Variants in COG6 observed in about 807,000 individuals in gnomAD.
The protein encoded by COG6 is component of oligomeric golgi complex 6.
Under a neutral mutation model 88.8 loss-of-function variants are expected in COG6, and 74 were observed. The observed-to-expected ratio is 0.83, with a 90% CI of 0.69 to 1.01. The LOEUF (loss-of-function observed/expected upper bound fraction) is 1.01. COG6 is among the 50% of genes least tolerant of loss of function. COG6 has a pLI of 0.00. For synonymous variants in COG6, 286 were observed against 278.7 expected, an observed-to-expected ratio of 1.03 and a Z score of -0.26; for missense variants, 800 against 797.9, an observed-to-expected ratio of 1.00 and a Z score of -0.03.
At chr13:39,695,914 A>G (rs2138025293) in intron 12 of COG6, among the ~76,000 whole-genome samples, 1 of 152,122 alleles carries the variant, frequency 6.6e-6, no homozygotes, top group African/African-American at 2.4e-5. Flanking sequence ...TGAAAGCTAG[A>G]CATAGCAAAT....
intron 16 of COG6, among the ~76,000 whole-genome samples, chr13:39,723,691 C>T (rs995589173): frequency 6.6e-5 from 10 of 151,686 alleles, no homozygotes; most frequent in South Asian, 2.1e-4. Flanking sequence ...GTAGAGTGCC[C>T]CACAGTATTA....
At chr13:39,723,308 A>G in intron 15 of COG6, 25 bp from the exon 16 acceptor site, 6 of 1,427,026 alleles carry the variant, frequency 4.2e-6, no homozygotes, top group Non-Finnish European at 5.9e-6. Flanking sequence ...TTCTTTTAAA[A>G]TGTTTTCTTT....
In COG6 at chr13:39,679,182, G is replaced by T. The variant is rs61954200; in HGVS notation, c.541-356G>T. Among the ~76,000 whole-genome samples, 230 of 152,162 alleles carry T rather than the reference G, an allele frequency of 1.5e-3. 1 individual carries two copies. Among genetic ancestry groups the T allele is most frequent in the South Asian group, 4.6e-3 (22 of 4,820 alleles). On this transcript the variant is annotated intron_variant, in intron 5 of 18. Transcript: ENST00000455146. ...AAGAATGCCAGGCTTAAGTAATAAG[G>T]TGTGTAATACACAATACTTTTTTTC...
chr13:39,769,478 A>G (rs1236513810), intron 18 of COG6, among the ~76,000 whole-genome samples: 5 of 152,224 alleles, frequency 3.3e-5, no homozygotes, highest in Non-Finnish European at 7.3e-5. Context: ...TCTCATCTGC[A>G]AAGTAGGAAT....
At position 39,655,824 on chromosome 13, in the gene COG6, A is replaced by T. The variant is rs1258615872; in HGVS notation, c.98A>T (p.Asn33Ile). The change falls in exon 1 of 19, where the codon AAC (asparagine) becomes ATC (isoleucine). Residue 33 changes from asparagine (N) to isoleucine (I), a missense_variant. By Grantham distance (149) the Asn-to-Ile change is moderately radical. Transcript: ENST00000455146. ...GAGGTSATTC[N>I]PLSRKLHKIL... Reference sequence around the variant, plus strand: ...GGCGGGACCTCGGCGACGACCTGCAACCCGCTGTCGCGCAAGCTGCATAAG... The same window carrying T: ...GGCGGGACCTCGGCGACGACCTGCATCCCGCTGTCGCGCAAGCTGCATAAG... 6.2e-7 allele frequency: 1 copy of T among 1,603,174 alleles called. No homozygotes were observed. Among genetic ancestry groups the T allele is most frequent in the African/African-American group, 1.3e-5 (1 of 74,638 alleles).
chr13:39,772,576 A>G (rs954528761), intron 18 of COG6, among the ~76,000 whole-genome samples: 2 of 152,222 alleles, frequency 1.3e-5, no homozygotes, highest in East Asian at 1.9e-4. Flanking sequence ...GGAGCTGTCA[A>G]TAAACACCTG....
intron 4 of COG6, among the ~76,000 whole-genome samples, chr13:39,673,869 A>G (rs567614418): frequency 3.7e-4 from 56 of 151,664 alleles, no homozygotes; most frequent in African/African-American, 1.3e-3. Context: ...ATGATTTTTT[A>G]TATCAAGAGG....
At chr13:39,699,685 T>C in intron 13 of COG6, 67 bp downstream of exon 13, 1 of 802,930 alleles carries the variant, frequency 1.2e-6, no homozygotes, top group Non-Finnish European at 2.2e-6. Context: ...TTAGTGATTT[T>C]TGTATTGATT....
intron 18 of COG6, chr13:39,785,617 T>TA (rs1881749819): frequency 6.6e-6 from 1 of 152,200 alleles, no homozygotes; most frequent in Admixed American, 6.5e-5. Flanking sequence ...AGTGTCTACT[T>TA]ACACTCCTCC....
chr13:39,658,142 A>G (rs1240655758), intron 1 of COG6, among the ~76,000 whole-genome samples: 1 of 150,402 alleles, frequency 6.6e-6, no homozygotes, highest in Non-Finnish European at 1.5e-5. Context: ...TATTTTTGGA[A>G]TATCTTTTTT....
chr13:39,728,612 T>C (rs1452046801), intron 18 of COG6, among the ~76,000 whole-genome samples: 1 of 152,038 alleles, frequency 6.6e-6, no homozygotes, highest in Non-Finnish European at 1.5e-5. Context: ...ACCAGAATTC[T>C]AAAGACTTAA....
At position 39,721,271 on chromosome 13, in the gene COG6, AAAT is replaced by A. The variant is rs1276086309; in HGVS notation, c.1584+1445_1584+1447del. Among the ~76,000 whole-genome samples, 6 of 152,240 alleles carry A rather than the reference AAAT, an allele frequency of 3.9e-5. No individual in the cohort carries two copies. The South Asian group carries it at 6.2e-4, about 16-fold the overall frequency. ...AAAAATTCTTCTTGGTCTATGTGCT[AAAT>A]TAAGCTTATTAGTTTATTCAAGTTA... On this transcript the variant is annotated intron_variant, in intron 15 of 18. Coordinates refer to ENST00000455146, the MANE Select transcript of COG6 (RefSeq NM_020751.3).
intron 4 of COG6, among the ~76,000 whole-genome samples, chr13:39,675,702 A>G (rs991450767): frequency 6.6e-6 from 1 of 152,152 alleles, no homozygotes; most frequent in Non-Finnish European, 1.5e-5. Context: ...AAATGAAACT[A>G]TAAACTAAAG....
At chr13:39,755,013 T>G (rs1382075395), downstream of COG6, among the ~76,000 whole-genome samples, 1 of 152,174 alleles carries the variant, frequency 6.6e-6, no homozygotes, top group East Asian at 1.9e-4. Context: ...TTGGTTAAGA[T>G]GTAAAATTAT....
At chr13:39,775,265 T>C (rs375932817) in intron 18 of COG6, among the ~76,000 whole-genome samples, 3 of 124,792 alleles carry the variant, frequency 2.4e-5, no homozygotes, top group African/African-American at 5.7e-5. Flanking sequence ...AATGATGTTG[T>C]GACTCAAATA....
At chr13:39,691,168 A>G (rs1388102557) in intron 11 of COG6, among the ~76,000 whole-genome samples, 1 of 151,772 alleles carries the variant, frequency 6.6e-6, no homozygotes, top group East Asian at 1.9e-4. Context: ...TAATTTTATA[A>G]ATACTATAAT....
chr13:39,689,584 C>T (rs1876861305), intron 10 of COG6, among the ~76,000 whole-genome samples, 176 bp from the exon 11 acceptor site: 1 of 151,990 alleles, frequency 6.6e-6, no homozygotes, highest in Admixed American at 6.6e-5. Flanking sequence ...AATATGTTAA[C>T]ACAATTAGTA....
rs1302223043 is a variant in COG6, at chr13:39,689,813, A to G, written c.1063A>G (p.Arg355Gly). The part of the protein sequence containing the change: ...VVGHITEGVC[R>G]PLKVRIEQVI... ...TGGGCATATCACTGAAGGTGTGTGC[A>G]GGCCTCTAAAGGTAAAATATTTTGT... Residue 355 changes from arginine (R) to glycine (G), a missense_variant, in exon 11 of 19, where the codon AGG becomes GGG. Coordinates refer to ENST00000455146, the MANE Select transcript of COG6 (RefSeq NM_020751.3). 3 of 1,607,690 alleles carry G rather than the reference A, an allele frequency of 1.9e-6. No individual in the cohort carries two copies. Among genetic ancestry groups the G allele is most frequent in the Non-Finnish European group, 2.6e-6 (3 of 1,175,388 alleles).
chr13:39,784,714 A>G (rs1881722762), intron 18 of COG6, among the ~76,000 whole-genome samples: 1 of 152,240 alleles, frequency 6.6e-6, no homozygotes, highest in South Asian at 2.1e-4. Context: ...ACCAAGGCCC[A>G]GGAACAGGGG....
Sources: gnomAD v4.1 joint callset for allele counts (sites outside exome capture counted in the v4.1 genomes callset) on GRCh38, gnomAD v4.1.1 for gene constraint, MANE v1.5 for transcripts, NCBI Gene and HGNC (gene_info 2026-07-23, HGNC 2026-07-21) for gene names.